The following CAPN14 variants were observed in gnomAD, a reference collection of about 807,000 sequenced individuals.
CAPN14 encodes calpain 14, also known as calpain-14.
A neutral mutation model predicts 101.3 loss-of-function variants in CAPN14; 94 were observed. The ratio of observed to expected loss-of-function variants is 0.93; its 90% confidence interval spans 0.79 to 1.10. The LOEUF (loss-of-function observed/expected upper bound fraction) is 1.10, where lower values mean the gene tolerates loss of function less well. Among genes scored for constraint, CAPN14 ranks in the 50% least tolerant of loss-of-function variants. The pLI, the probability that CAPN14 is intolerant of heterozygous loss-of-function variation, is 0.00. For missense variants in CAPN14, 837 were observed against 828.4 expected (o/e 1.01, Z -0.13); for synonymous variants, 338 against 317.9 (o/e 1.06, Z -0.67).
chr2:31,201,873 C>CT lies in CAPN14; in HGVS notation c.539dup (p.Ala181GlyfsTer10). On this transcript the variant is annotated frameshift_variant, in exon 5 of 22. Transcript: ENST00000403897. LOFTEE classifies it high-confidence loss of function. Reference sequence around the variant, plus strand: ...TGCCGGTTTCTTACTTGGCATAGGCCTTTTCCAGAAGTGCTCCCCAGAACA... The same window carrying CT: ...TGCCGGTTTCTTACTTGGCATAGGCCTTTTTCCAGAAGTGCTCCCCAGAACA... 6.4e-7 allele frequency: 1 copy of CT among 1,551,614 alleles called. No individual in the cohort carries two copies. Among genetic ancestry groups the CT allele is most frequent in the Non-Finnish European group, 8.7e-7 (1 of 1,146,916 alleles).
chr2:31,202,941 G>A, intron 3 of CAPN14, 129 bp downstream of exon 3: 1 of 717,016 alleles, frequency 1.4e-6, no homozygotes. Flanking sequence ...CGTTTTGCCA[G>A]TGAATAGCCA....
intron 20 of CAPN14, 147 bp from the exon 21 acceptor site, chr2:31,176,789 C>T: frequency 1.3e-6 from 1 of 767,466 alleles, no homozygotes; most frequent in Non-Finnish European, 2.2e-6. Flanking sequence ...CACACGCAGC[C>T]ACATCTATGA....
At position 31,224,991 on chromosome 2, in the gene CAPN14, T is replaced by C. The variant is rs868643735; in HGVS notation, c.-53+1537A>G. ...ATTCTGATTAAGAGATCCCAATGATTCGGTTTTGTAGGAGAGAGAAGACAA... is the reference window on the plus strand; with the variant it reads ...ATTCTGATTAAGAGATCCCAATGATCCGGTTTTGTAGGAGAGAGAAGACAA... On this transcript the variant is annotated intron_variant and NMD_transcript_variant, in intron 2 of 21. Coordinates refer to the CAPN14 transcript ENST00000398824. Among the ~76,000 whole-genome samples the C allele has an allele frequency of 1.8e-4, 28 of 152,166 alleles. No homozygotes were observed. In the Middle Eastern group the frequency reaches 0.017, roughly 92 times the overall value.
intron 8 of CAPN14, 131 bp from the exon 9 acceptor site, chr2:31,194,614 A>C (rs925071762): frequency 2.7e-5 from 17 of 639,346 alleles, no homozygotes; most frequent in South Asian, 1.7e-4. Context: ...ATTCCATATT[A>C]TACAGTAGCA....
chr2:31,191,430 G>GAAAAAAAAA, intron 11 of CAPN14, 23 bp from the exon 12 acceptor site: 1 of 1,277,970 alleles, frequency 7.8e-7, no homozygotes. Context: ...AACAAAAACA[G>GAAAAAAAAA]AAAAAAAAAA....
At chr2:31,209,991 G>A (rs74625935) in intron 1 of CAPN14, among the ~76,000 whole-genome samples, 243 of 152,294 alleles carry the variant, frequency 1.6e-3, no homozygotes, top group Non-Finnish European at 2.7e-3. Context: ...GGAAGTTTCC[G>A]TGTTGTCCAG....
At position 31,174,528 on chromosome 2, in the gene CAPN14, T is replaced by C; in HGVS notation, c.*153A>G. 1.4e-6 allele frequency: 1 copy of C among 718,840 alleles called. No homozygotes were observed. The allele number at this position is 718,840 out of a possible 1,614,324, so 44.5% of individuals were successfully genotyped here. A position where few individuals can be genotyped will look rare whatever the true frequency, so the allele number is the denominator to read the frequency against. On this transcript the variant is annotated 3_prime_UTR_variant, in exon 22 of 22. Transcript: ENST00000403897. ...CATGCTGGCCATGCACGGGGAGGGC[T>C]GCAGAAGAGAAACCTTCCCAGCTGA...
rs1223592515 is a variant in CAPN14, at chr2:31,189,470, A to T, written c.1296T>A (p.Asp432Glu). Residue 432 changes from aspartate (D) to glutamate (E), a missense_variant, in exon 13 of 22, where the codon GAT becomes GAA. Coordinates refer to ENST00000403897, the MANE Select transcript of CAPN14 (RefSeq NM_001145122.2). The part of the protein sequence containing the change: ...FYLYRMNKYH[D>E]DQRRLPPEFF... ...ACTCAGGGGGCAGTCTCCTCTGGTC[A>T]TCATGGTACTGTGGGTAGAGGACAG... 1 of 1,551,288 alleles carries T rather than the reference A, an allele frequency of 6.4e-7. No individual in the cohort carries two copies. Among genetic ancestry groups the T allele is most frequent in the South Asian group, 1.2e-5 (1 of 84,042 alleles).
intron 1 of CAPN14, among the ~76,000 whole-genome samples, chr2:31,210,609 T>C (rs1395841076): frequency 6.6e-6 from 1 of 152,224 alleles, no homozygotes; most frequent in Non-Finnish European, 1.5e-5. Context: ...ATAACATATA[T>C]TTATTGCAGA....
In CAPN14 at chr2:31,189,255, G is replaced by T; in HGVS notation, c.1493+18C>A. ...TCCAAGTGGTCCCCACCCTCTAGGA[G>T]AGACCTTGTGTCCTTACTAAAAGAT... On this transcript the variant is annotated intron_variant, in intron 13 of 21. Transcript: ENST00000403897. The T allele has an allele frequency of 6.5e-7, 1 of 1,549,494 alleles. No homozygotes were observed. The highest frequency in any genetic ancestry group is 1.2e-5 in the South Asian group (1 of 83,966).
At chr2:31,179,999 G>A (rs1048397158) in intron 17 of CAPN14, among the ~76,000 whole-genome samples, 3 of 152,122 alleles carry the variant, frequency 2.0e-5, no homozygotes, top group Admixed American at 6.6e-5. Context: ...GGCACACAGT[G>A]GCTAATGATG....
At chr2:31,187,221 C>T (rs1680939340) in intron 15 of CAPN14, among the ~76,000 whole-genome samples, 1 of 152,192 alleles carries the variant, frequency 6.6e-6, no homozygotes, top group South Asian at 2.1e-4. Flanking sequence ...GAGCCCCGCA[C>T]TCACACCATT....
rs753077724 is a variant in CAPN14 at position 31,174,717 on chromosome 2, T to C, written c.2029-10A>G. Reference sequence around the variant, plus strand: ...GTGCCATCATCATCCACTGGACATGTTGGGAAAGCAAATGATGGTCAGTTC... The same window carrying C: ...GTGCCATCATCATCCACTGGACATGCTGGGAAAGCAAATGATGGTCAGTTC... On this transcript the variant is annotated splice_polypyrimidine_tract_variant and intron_variant, in intron 21 of 21. Transcript: ENST00000403897. 80 of 1,551,528 alleles carry C rather than the reference T, an allele frequency of 5.2e-5. No homozygotes were observed. The highest frequency in any genetic ancestry group is 6.5e-5 in the Non-Finnish European group (75 of 1,146,962).
chr2:31,176,525 G>A, intron 21 of CAPN14, 62 bp downstream of exon 21: 1 of 1,311,032 alleles, frequency 7.6e-7, no homozygotes, highest in Non-Finnish European at 1.1e-6. Flanking sequence ...ACAAGAGCAT[G>A]GTCCCGCAAG....
chr2:31,188,057 G>A (rs1368593863), intron 14 of CAPN14, among the ~76,000 whole-genome samples: 1 of 152,240 alleles, frequency 6.6e-6, no homozygotes, highest in East Asian at 1.9e-4. Context: ...GCAGAAGAAT[G>A]TAGAGATGTA....
At chr2:31,175,718 C>T (rs951703854) in intron 21 of CAPN14, among the ~76,000 whole-genome samples, 1 of 152,238 alleles carries the variant, frequency 6.6e-6, no homozygotes, top group African/African-American at 2.4e-5. Flanking sequence ...CAGGTCCCTA[C>T]AGCTTGGAAA....
rs149531461 is a variant in CAPN14 at position 31,187,863 on chromosome 2, G to A, written c.1531-49C>T. ...GACACAATTATTCACCTGTATAAAC[G>A]GACTTTCGTGCACACCCTAATGTCT... On this transcript the variant is annotated intron_variant, in intron 14 of 21. Transcript: ENST00000403897. The A allele has an allele frequency of 1.6e-5, 22 of 1,411,828 alleles. No homozygotes were observed. The Admixed American group carries it at 2.2e-4, about 14-fold the overall frequency. The allele number at this position is 1,411,828 out of a possible 1,614,324, so 87.5% of individuals were successfully genotyped here. A position where few individuals can be genotyped will look rare whatever the true frequency, so the allele number is the denominator to read the frequency against.
intron 16 of CAPN14, among the ~76,000 whole-genome samples, chr2:31,184,309 C>CT (rs11372756): frequency 0.33 from 50,726 of 152,050 alleles, 10,032 homozygotes; most frequent in African/African-American, 0.55. Flanking sequence ...TAGTGGCTCA[C>CT]GGTCCTAGTT....
rs138455102 is a variant in CAPN14 at position 31,176,824 on chromosome 2, T to A, written c.1973-182A>T. On this transcript the variant is annotated intron_variant, in intron 20 of 21. Transcript: ENST00000403897. ...ATAAGTGAGCCACTTCAAGCCTTTG[T>A]CTCTGGAACAAGTCAGGAAAAGATG... Among the ~76,000 whole-genome samples the A allele has an allele frequency of 7.0e-3, 1,059 of 152,348 alleles. 9 individuals carry two copies. Among genetic ancestry groups the A allele is most frequent in the East Asian group, 0.013 (70 of 5,190 alleles).
Sources: allele counts gnomAD v4.1 joint callset (sites outside exome capture counted in the v4.1 genomes callset), GRCh38; gene constraint gnomAD v4.1.1; transcripts MANE v1.5; gene names NCBI Gene and HGNC (gene_info 2026-07-23, HGNC 2026-07-21).